Variants in CA4 observed in about 807,000 individuals in gnomAD.
CA4 encodes CA-IV.
CA4 carries 24 observed loss-of-function variants against 34.5 expected under a neutral mutation model. The ratio of observed to expected loss-of-function variants is 0.70; its 90% CI spans 0.50 to 0.98. CA4 has a LOEUF of 0.98. CA4 is among the 50% of genes least tolerant of loss of function. The probability of loss-of-function intolerance (pLI) is 0.00; values close to 1 mark genes in which losing one functional copy is unlikely to be tolerated. For synonymous variants in CA4, 178 were observed against 170.6 expected, an observed-to-expected ratio of 1.04 and a Z score of -0.34; for missense variants, 394 against 396.7, an observed-to-expected ratio of 0.99 and a Z score of 0.06.
downstream of CA4, among the ~76,000 whole-genome samples, chr17:60,172,132 T>G (rs2083916416): frequency 1.3e-5 from 2 of 152,166 alleles, no homozygotes; most frequent in Non-Finnish European, 2.9e-5. Context: ...GGTTTGGCCA[T>G]CAGCAGCAGA....
At position 60,150,858 on chromosome 17, in the gene CA4, G is replaced by T. The variant is rs8069373; in HGVS notation, c.58+766G>T. ...CCTGGAAGCCGCGCTTCCCACACGG[G>T]TTCCTTGCCCCTGAGGGTCGCAAGC... On this transcript the variant is annotated intron_variant, in intron 1 of 7. Coordinates refer to ENST00000300900, the MANE Select transcript of CA4 (RefSeq NM_000717.5). Among the ~76,000 whole-genome samples, 1,198 of 150,520 alleles carry T rather than the reference G, an allele frequency of 8.0e-3. 16 individuals carry two copies. Among genetic ancestry groups the T allele is most frequent in the African/African-American group, 0.028 (1,138 of 40,936 alleles).
Position 60,156,589 on chromosome 17 carries a change from A to T in CA4, c.142A>T (p.Lys48Ter), listed in dbSNP as rs1375640302. 6.2e-7 allele frequency: 1 copy of T among 1,614,090 alleles called. No homozygotes were observed. Among genetic ancestry groups the T allele is most frequent in the Non-Finnish European group, 8.5e-7 (1 of 1,180,024 alleles). Residue 48 changes from lysine (K) to a stop codon, truncating the protein, a stop_gained, in exon 3 of 8, where the codon AAG becomes TAG. Coordinates refer to ENST00000300900, the MANE Select transcript of CA4 (RefSeq NM_000717.5). LOFTEE classifies it high-confidence loss of function. ...AGTCAAGTGGGGTGGAAACTGCCAG[A>T]AGGACCGCCAGTCCCCCATCAACAT... ...VPVKWGGNCQ[K>*]DRQSPINIVT...
At chr17:60,168,225 A>C (rs1233565324) in intron 5 of CA4, among the ~76,000 whole-genome samples, 26 of 48,478 alleles carry the variant, frequency 5.4e-4, no homozygotes, top group African/African-American at 2.0e-3. Flanking sequence ...GGCGTGGGGA[A>C]GGGTGATTTC....
intron 5 of CA4, among the ~76,000 whole-genome samples, chr17:60,166,282 G>A (rs1188662164): frequency 1.3e-5 from 2 of 152,148 alleles, no homozygotes; most frequent in African/African-American, 2.4e-5. Flanking sequence ...CTAACTTTCT[G>A]TATTTTTAGT....
rs1428222381 is a variant in CA4 at position 60,159,482 on chromosome 17, C to T, written c.*58C>T. ...CTCAGCTCTCCAAGTTCCAGGCTTC[C>T]GGTCCTTAGCCTTCCCAGGTGGGAC... On this transcript the variant is annotated 3_prime_UTR_variant, in exon 8 of 8. Transcript: ENST00000300900. 49 of 1,560,222 alleles carry T rather than the reference C, an allele frequency of 3.1e-5. No homozygotes were observed. The highest frequency in any genetic ancestry group is 1.6e-4 in the East Asian group (7 of 44,046).
At chr17:60,156,276 C>A (rs564407033) in intron 2 of CA4, among the ~76,000 whole-genome samples, 27 of 152,332 alleles carry the variant, frequency 1.8e-4, no homozygotes, top group African/African-American at 6.0e-4. Flanking sequence ...TGTCCCTACC[C>A]CGGAGCTCAC....
At chr17:60,156,813 C>T in intron 3 of CA4, 98 bp downstream of exon 3, 3 of 1,135,864 alleles carry the variant, frequency 2.6e-6, no homozygotes, top group Non-Finnish European at 4.0e-6. Flanking sequence ...AGACCCAGGC[C>T]CATCTGTGCT....
chr17:60,158,523 GGTCCCTCA>G, intron 7 of CA4, 77 bp downstream of exon 7: 1 of 1,472,290 alleles, frequency 6.8e-7, no homozygotes, highest in Non-Finnish European at 9.3e-7. Context: ...TGCCCTCAGA[GGTCCCTCA>G]GGATACAGGT....
At chr17:60,160,098 C>T (rs2083768355), downstream of CA4, among the ~76,000 whole-genome samples, 1 of 152,184 alleles carries the variant, frequency 6.6e-6, no homozygotes, top group Non-Finnish European at 1.5e-5. Flanking sequence ...TGAGATTGTG[C>T]CACTGCACTC....
chr17:60,165,456 G>A (rs946153994), intron 5 of CA4, among the ~76,000 whole-genome samples: 1 of 152,192 alleles, frequency 6.6e-6, no homozygotes. Context: ...GGGGGTAGCA[G>A]GTGCAGAGTT....
intron 1 of CA4, among the ~76,000 whole-genome samples, chr17:60,154,454 C>A (rs1182376005): frequency 6.6e-6 from 1 of 152,188 alleles, no homozygotes; most frequent in Non-Finnish European, 1.5e-5. Flanking sequence ...GAATTCCAAG[C>A]TCTGGATGAG....
At chr17:60,169,994 G>A (rs2083898429) in intron 5 of CA4, among the ~76,000 whole-genome samples, 1 of 152,182 alleles carries the variant, frequency 6.6e-6, no homozygotes, top group Non-Finnish European at 1.5e-5. Context: ...CTTAATCCCA[G>A]GGGAAAAAAC....
chr17:60,155,158 C>A (rs1023128266), intron 1 of CA4, among the ~76,000 whole-genome samples, 156 bp from the exon 2 acceptor site: 1 of 152,152 alleles, frequency 6.6e-6, no homozygotes, highest in Non-Finnish European at 1.5e-5. Flanking sequence ...TCAATTGAGT[C>A]TCTTTTTCTG....
At chr17:60,155,437 C>A in intron 2 of CA4, 70 bp downstream of exon 2, 1 of 1,298,586 alleles carries the variant, frequency 7.7e-7, no homozygotes, top group South Asian at 1.3e-5. Context: ...AATGGAGACC[C>A]CGGAAGAGTG....
At chr17:60,175,189 ATTTTTT>A (rs555031745), downstream of CA4, among the ~76,000 whole-genome samples, 1 of 107,646 alleles carries the variant, frequency 9.3e-6, no homozygotes, top group Non-Finnish European at 1.7e-5. Flanking sequence ...CACCCAGCTG[ATTTTTT>A]TTTTTTTTTT....
At chr17:60,158,878 G>A in intron 7 of CA4, 1 of 428,288 alleles carries the variant, frequency 2.3e-6, no homozygotes, top group South Asian at 2.4e-5. Context: ...AACTCTGGGG[G>A]TGGAGCCCAG....
downstream of CA4, among the ~76,000 whole-genome samples, chr17:60,171,871 C>T (rs56913063): frequency 0.021 from 3,215 of 152,270 alleles, 134 homozygotes; most frequent in African/African-American, 0.073. Flanking sequence ...CAGGGGGAAC[C>T]GAGGCGCGGA....
At chr17:60,177,609 A>T in the CA4 span, among the ~76,000 whole-genome samples, 1 of 152,238 alleles carries the variant, frequency 6.6e-6, no homozygotes, top group Non-Finnish European at 1.5e-5. Context: ...GAATGGACAG[A>T]TTTTATATAC....
downstream of CA4, among the ~76,000 whole-genome samples, chr17:60,163,285 G>A (rs536905459): frequency 3.9e-5 from 6 of 152,208 alleles, no homozygotes; most frequent in South Asian, 8.3e-4. Flanking sequence ...CCTTGTGAAC[G>A]GTGCCCCCAG....
Sources: allele counts gnomAD v4.1 joint callset (sites outside exome capture counted in the v4.1 genomes callset), GRCh38; gene constraint gnomAD v4.1.1; transcripts MANE v1.5; gene names NCBI Gene and HGNC (gene_info 2026-07-23, HGNC 2026-07-21).